The following SCHIP1 variants were observed in gnomAD, a reference collection of about 807,000 sequenced individuals.
SCHIP1 encodes the protein schwannomin-interacting protein 1.
In SCHIP1, 8 loss-of-function variants were observed where a neutral mutation model predicts 29.7. The ratio of observed to expected loss-of-function variants is 0.27; its 90% confidence interval spans 0.16 to 0.49. The LOEUF is 0.49. Among genes scored for constraint, SCHIP1 ranks in the 20% least tolerant of loss-of-function variants. SCHIP1 has a pLI of 0.99. For synonymous variants in SCHIP1, 76 were observed against 94.9 expected (o/e 0.80, Z 1.16); for missense variants, 193 against 294.6 (o/e 0.66, Z 2.52).
the SCHIP1 span, among the ~76,000 whole-genome samples, chr3:159,643,612 A>G: frequency 6.6e-6 from 1 of 152,134 alleles, no homozygotes; most frequent in African/African-American, 2.4e-5. Flanking sequence ...GCATCAAGCT[A>G]CAACAGAAGG....
At chr3:159,290,803 C>A in the SCHIP1 span, among the ~76,000 whole-genome samples, 1 of 151,968 alleles carries the variant, frequency 6.6e-6, no homozygotes, top group Admixed American at 6.6e-5. Context: ...TTATAATTTA[C>A]ATAATGCAAG....
At chr3:159,679,640 TA>T in the SCHIP1 span, among the ~76,000 whole-genome samples, 1 of 152,106 alleles carries the variant, frequency 6.6e-6, no homozygotes, top group African/African-American at 2.4e-5. Context: ...ACCTGTGTCA[TA>T]ATACAAAAAG....
chr3:159,782,410 A>G, the SCHIP1 span, among the ~76,000 whole-genome samples: 1 of 152,200 alleles, frequency 6.6e-6, no homozygotes. Flanking sequence ...ATAACACAAT[A>G]GCTGTTTCTC....
At chr3:159,844,297 T>C (rs1711520972) in intron 1 of SCHIP1, among the ~76,000 whole-genome samples, 1 of 152,250 alleles carries the variant, frequency 6.6e-6, no homozygotes, top group African/African-American at 2.4e-5. Flanking sequence ...ACCAAGAGCC[T>C]GAACACCCCT....
chr3:159,545,343 A>G, the SCHIP1 span, among the ~76,000 whole-genome samples: 1 of 152,028 alleles, frequency 6.6e-6, no homozygotes, highest in South Asian at 2.1e-4. Context: ...CAATCTAATC[A>G]GCTGCCATAG....
chr3:159,535,364 C>A, the SCHIP1 span, among the ~76,000 whole-genome samples: 1 of 152,102 alleles, frequency 6.6e-6, no homozygotes, highest in Non-Finnish European at 1.5e-5. Context: ...TATCCTAATC[C>A]TGGAAACTGG....
At chr3:159,382,353 C>T in the SCHIP1 span, among the ~76,000 whole-genome samples, 12 of 150,086 alleles carry the variant, frequency 8.0e-5, no homozygotes, top group South Asian at 1.3e-3. Context: ...TGAGAATATG[C>T]GGTGTTTGAT....
At chr3:159,547,038 A>G in the SCHIP1 span, among the ~76,000 whole-genome samples, 1 of 152,188 alleles carries the variant, frequency 6.6e-6, no homozygotes, top group Non-Finnish European at 1.5e-5. Flanking sequence ...ATTCCCACCA[A>G]AAGTGTAAAA....
chr3:159,599,636 C>A, the SCHIP1 span, among the ~76,000 whole-genome samples: 1 of 152,064 alleles, frequency 6.6e-6, no homozygotes, highest in South Asian at 2.1e-4. Flanking sequence ...ACCATATTTT[C>A]TTTTTCCACT....
At chr3:159,747,236 C>G in the SCHIP1 span, among the ~76,000 whole-genome samples, 1 of 152,196 alleles carries the variant, frequency 6.6e-6, no homozygotes, top group South Asian at 2.1e-4. Context: ...GGCCAACAGT[C>G]TTGGATCTGA....
chr3:159,510,817 G>A, the SCHIP1 span, among the ~76,000 whole-genome samples: 28 of 152,150 alleles, frequency 1.8e-4, no homozygotes, highest in Non-Finnish European at 7.4e-5. Context: ...CTGGCTGATC[G>A]TTCCTCTGGA....
chr3:159,491,367 G>A, the SCHIP1 span, among the ~76,000 whole-genome samples: 1 of 152,212 alleles, frequency 6.6e-6, no homozygotes, highest in Non-Finnish European at 1.5e-5. Context: ...ACAGAAAGGG[G>A]TGACAAACGG....
chr3:159,744,824 A>T, the SCHIP1 span, among the ~76,000 whole-genome samples: 1 of 152,166 alleles, frequency 6.6e-6, no homozygotes, highest in Admixed American at 6.5e-5. Context: ...AAAAAAAAAT[A>T]ATACAAAAAA....
chr3:159,888,069 C>T lies in SCHIP1; in HGVS notation c.465+164C>T, dbSNP rs1470558526. ...TAAGTTTGTTTCTTTTTCCTTCCTA[C>T]TGTAGGACTGAAAAATACAGAAGCA... On this transcript the variant is annotated intron_variant, in intron 4 of 6. Transcript: ENST00000445224. 4 of 975,170 alleles carry T rather than the reference C, an allele frequency of 4.1e-6. No individual in the cohort carries two copies. In the African/African-American group the frequency reaches 6.6e-5, roughly 16 times the overall value. 60.4% of individuals were successfully genotyped at this position (975,170 alleles called of 1,614,324 possible).
At chr3:159,662,101 A>G in the SCHIP1 span, among the ~76,000 whole-genome samples, 1 of 152,034 alleles carries the variant, frequency 6.6e-6, no homozygotes, top group African/African-American at 2.4e-5. Flanking sequence ...ACCTTTAGTT[A>G]CCTGTTCCAT....
At chr3:159,645,040 T>A in the SCHIP1 span, among the ~76,000 whole-genome samples, 3 of 152,176 alleles carry the variant, frequency 2.0e-5, no homozygotes, top group Non-Finnish European at 4.4e-5. Context: ...GCAGAGAACA[T>A]CTGCTTTACC....
the SCHIP1 span, among the ~76,000 whole-genome samples, chr3:159,523,482 T>C: frequency 6.6e-6 from 1 of 152,220 alleles, no homozygotes; most frequent in Non-Finnish European, 1.5e-5. Flanking sequence ...AAGTAGGTTT[T>C]TGTCTTTTAA....
At chr3:159,657,427 G>A in the SCHIP1 span, among the ~76,000 whole-genome samples, 1,221 of 152,304 alleles carry the variant, frequency 8.0e-3, 21 homozygotes, top group African/African-American at 0.028. Context: ...ATCACACTCC[G>A]TTTACAGGCT....
the SCHIP1 span, among the ~76,000 whole-genome samples, chr3:159,566,441 G>A: frequency 6.6e-6 from 1 of 152,116 alleles, no homozygotes; most frequent in Middle Eastern, 3.2e-3. Context: ...ATGAGTGTAA[G>A]TTCATTTATC....
Sources: allele counts gnomAD v4.1 joint callset (sites outside exome capture counted in the v4.1 genomes callset), GRCh38; gene constraint gnomAD v4.1.1; transcripts MANE v1.5; gene names NCBI Gene and HGNC (gene_info 2026-07-23, HGNC 2026-07-21).